EGF: variants seen among roughly 807,000 people sequenced by gnomAD.
EGF encodes the protein pro-epidermal growth factor.
EGF carries 95 observed loss-of-function variants against 143.8 expected under a neutral mutation model. That is an observed-to-expected ratio of 0.66 (90% CI 0.56 to 0.78). The LOEUF is 0.78. EGF is among the 30% of genes least tolerant of loss of function. The probability of loss-of-function intolerance (pLI) is 0.00; values close to 1 mark genes in which losing one functional copy is unlikely to be tolerated. For missense variants in EGF, 1,320 were observed against 1,470.9 expected (o/e 0.90, Z 1.68); for synonymous variants, 510 against 510.5 (o/e 1.00, Z 0.01).
At chr4:109,945,870 G>A (rs1210717882) in intron 5 of EGF, among the ~76,000 whole-genome samples, 1 of 152,212 alleles carries the variant, frequency 6.6e-6, no homozygotes, top group Non-Finnish European at 1.5e-5. Flanking sequence ...CAGGCCGTAA[G>A]GATCTAAAGT....
chr4:109,915,665 C>G (rs569551048), intron 1 of EGF, among the ~76,000 whole-genome samples: 7 of 152,336 alleles, frequency 4.6e-5, no homozygotes, highest in African/African-American at 1.7e-4. Flanking sequence ...TCTTTCTCCT[C>G]TCTAAATAGA....
Position 109,987,930 on chromosome 4 carries a change from A to T in EGF, c.2608+70A>T. ...AGAAACATTTTTTCTGCTCTTTCTG[A>T]CTCAAAAACTCCAGAAGGATTTATG... On this transcript the variant is annotated intron_variant, in intron 17 of 23. Transcript: ENST00000265171. 1.4e-5 allele frequency: 17 copies of T among 1,185,916 alleles called. 1 individual carries two copies. In the South Asian group the frequency reaches 1.9e-4, roughly 14 times the overall value. 73.5% of individuals were successfully genotyped at this position (1,185,916 alleles called of 1,614,324 possible).
rs748191816 is a variant in EGF at position 110,004,633 on chromosome 4, C to T, written c.3291+11C>T. On this transcript the variant is annotated intron_variant, in intron 22 of 23. Coordinates refer to ENST00000265171, the MANE Select transcript of EGF (RefSeq NM_001963.6). ...TGCCCTCAACCTTGGGTAATGTGAC[C>T]AAAGCAGATGAAGCAAGGAATTGGC... The T allele has an allele frequency of 6.2e-7, 1 of 1,611,308 alleles. No homozygotes were observed. The highest frequency in any genetic ancestry group is 1.1e-5 in the South Asian group (1 of 91,028).
chr4:109,965,182 A>G (rs551405820), intron 10 of EGF, among the ~76,000 whole-genome samples: 1 of 152,158 alleles, frequency 6.6e-6, no homozygotes, highest in Non-Finnish European at 1.5e-5. Flanking sequence ...ATGATGTTAC[A>G]GTGTGTTTTG....
At chr4:109,978,869 T>C (rs1423605703) in intron 13 of EGF, among the ~76,000 whole-genome samples, 2 of 152,228 alleles carry the variant, frequency 1.3e-5, no homozygotes, top group East Asian at 1.9e-4. Flanking sequence ...TGGAGACTCA[T>C]TGTAACCAGA....
At chr4:109,914,746 G>A (rs2125917021) in intron 1 of EGF, among the ~76,000 whole-genome samples, 1 of 152,178 alleles carries the variant, frequency 6.6e-6, no homozygotes, top group South Asian at 2.1e-4. Flanking sequence ...ACAAAAAGAG[G>A]GTGACAAATG....
chr4:109,978,238 A>G (rs1395446222), intron 13 of EGF, among the ~76,000 whole-genome samples: 1 of 152,222 alleles, frequency 6.6e-6, no homozygotes, highest in Non-Finnish European at 1.5e-5. Context: ...CAATGTATAT[A>G]TATTTTAAAA....
At chr4:110,000,595 A>G (rs1752452340) in intron 21 of EGF, among the ~76,000 whole-genome samples, 1 of 152,242 alleles carries the variant, frequency 6.6e-6, no homozygotes, top group Non-Finnish European at 1.5e-5. Flanking sequence ...TGTGCTTTTA[A>G]TAATTTCAAG....
chr4:109,988,665 G>A lies in EGF; in HGVS notation c.2690G>A (p.Cys897Tyr). 1.2e-6 allele frequency: 2 copies of A among 1,614,064 alleles called. No individual in the cohort carries two copies. The highest frequency in any genetic ancestry group is 3.3e-4 in the Middle Eastern group (2 of 6,062). The change falls in exon 18 of 24, where the codon TGC (cysteine) becomes TAC (tyrosine). Residue 897 changes from cysteine (C) to tyrosine (Y), a missense_variant. By Grantham distance (194) the Cys-to-Tyr change is radical. This residue lies in a region of EGF where 1,186 missense variants were observed against 1,313.7 expected (regional missense o/e 0.90). Coordinates refer to ENST00000265171, the MANE Select transcript of EGF (RefSeq NM_001963.6). Reference sequence around the variant, plus strand: ...ATCAACACCGAAGGTGGTTATGTCTGCCGGTGCTCAGAAGGCTACCAAGGA... The same window carrying A: ...ATCAACACCGAAGGTGGTTATGTCTACCGGTGCTCAGAAGGCTACCAAGGA... ...KCINTEGGYV[C>Y]RCSEGYQGDG...
chr4:110,001,665 C>T lies in EGF; in HGVS notation c.3173+1819C>T, dbSNP rs573179927. 5.5e-5 allele frequency: 54 copies of T among 985,374 alleles called. No homozygotes were observed. In the East Asian group the frequency reaches 6.8e-4, roughly 12 times the overall value. 61.0% of individuals were successfully genotyped at this position (985,374 alleles called of 1,614,324 possible). On this transcript the variant is annotated intron_variant, in intron 21 of 23. Coordinates refer to ENST00000265171, the MANE Select transcript of EGF (RefSeq NM_001963.6). ...TTCAGAGATCTGGATTGAAAGCTAACGGCAAATTGCTGGCTTTTTAAACTT... is the reference window on the plus strand; with the variant it reads ...TTCAGAGATCTGGATTGAAAGCTAATGGCAAATTGCTGGCTTTTTAAACTT...
intron 10 of EGF, among the ~76,000 whole-genome samples, chr4:109,967,620 C>T (rs1746815394): frequency 6.6e-6 from 1 of 151,988 alleles, no homozygotes; most frequent in South Asian, 2.1e-4. Context: ...CTGTATATTG[C>T]TTTGGGTCAT....
At chr4:109,982,453 G>A (rs764339391) in intron 15 of EGF, among the ~76,000 whole-genome samples, 2 of 151,764 alleles carry the variant, frequency 1.3e-5, no homozygotes, top group African/African-American at 2.4e-5. Context: ...TCAGCCTCCC[G>A]AGTAGCTGGG....
In EGF at chr4:109,943,440, A is replaced by G. The variant is rs117552261; in HGVS notation, c.509+5A>G. ...AGCAGTTGATCCAGTAGAAAGGTAAATTCTGCTGTATTCAGACATTGAAAT... is the reference window on the plus strand; with the variant it reads ...AGCAGTTGATCCAGTAGAAAGGTAAGTTCTGCTGTATTCAGACATTGAAAT... On this transcript the variant is annotated splice_donor_5th_base_variant and intron_variant, in intron 3 of 23. Transcript: ENST00000265171. 1 of 1,610,414 alleles carries G rather than the reference A, an allele frequency of 6.2e-7. No individual in the cohort carries two copies. Among genetic ancestry groups the G allele is most frequent in the East Asian group, 2.2e-5 (1 of 44,790 alleles).
intron 1 of EGF, among the ~76,000 whole-genome samples, chr4:109,939,227 C>T (rs1441278039): frequency 2.0e-5 from 3 of 152,200 alleles, no homozygotes; most frequent in Admixed American, 6.5e-5. Context: ...ATAGCACTAC[C>T]TACTCAAGCC....
intron 16 of EGF, among the ~76,000 whole-genome samples, chr4:109,986,557 T>C (rs1560739631): frequency 6.6e-6 from 1 of 152,168 alleles, no homozygotes; most frequent in South Asian, 2.1e-4. Context: ...ACTTAGATCA[T>C]TTAACTTTCT....
intron 15 of EGF, among the ~76,000 whole-genome samples, chr4:109,982,694 A>G (rs1390013005): frequency 2.6e-5 from 4 of 152,020 alleles, no homozygotes; most frequent in Admixed American, 2.6e-4. Flanking sequence ...AGCTACTGGT[A>G]GAGTTTGCTG....
At chr4:109,939,364 TC>T (rs1741500295) in intron 1 of EGF, among the ~76,000 whole-genome samples, 1 of 152,200 alleles carries the variant, frequency 6.6e-6, no homozygotes, top group Non-Finnish European at 1.5e-5. Context: ...GGAGGGAACA[TC>T]CGGGCCTGCT....
chr4:109,996,560 A>G (rs1172303476), intron 20 of EGF, among the ~76,000 whole-genome samples: 3 of 152,210 alleles, frequency 2.0e-5, no homozygotes, highest in African/African-American at 4.8e-5. Context: ...TTCCTTAATA[A>G]CAAGTCTCTA....
chr4:109,963,535 G>T (rs1013187520), intron 9 of EGF, among the ~76,000 whole-genome samples: 1 of 152,102 alleles, frequency 6.6e-6, no homozygotes, highest in African/African-American at 2.4e-5. Flanking sequence ...ATATCAGATA[G>T]AATATTTTTA....
Sources: allele counts gnomAD v4.1 joint callset (sites outside exome capture counted in the v4.1 genomes callset), GRCh38; gene constraint gnomAD v4.1.1; regional missense constraint gnomAD v4.1.1; transcripts MANE v1.5; gene names NCBI Gene and HGNC (gene_info 2026-07-23, HGNC 2026-07-21).